The following GTF2F1 variants were observed in gnomAD, a reference collection of about 807,000 sequenced individuals.
The protein encoded by GTF2F1 is general transcription factor IIF subunit 1.
In GTF2F1, 39 loss-of-function variants were observed where a neutral mutation model predicts 63.5. That is an observed-to-expected ratio of 0.61 (90% confidence interval 0.48 to 0.80). The LOEUF is 0.80. GTF2F1 is among the 30% of genes least tolerant of loss of function. The pLI, the probability that GTF2F1 is intolerant of heterozygous loss-of-function variation, is 0.00. For missense variants in GTF2F1, 657 were observed against 718.3 expected (o/e 0.91, Z 0.97); for synonymous variants, 287 against 285.3 (o/e 1.01, Z -0.06).
chr19:6,393,037 C>T lies in GTF2F1; in HGVS notation c.-42G>A. 2 of 1,612,302 alleles carry T rather than the reference C, an allele frequency of 1.2e-6. No homozygotes were observed. Among genetic ancestry groups the T allele is most frequent in the Non-Finnish European group, 8.5e-7 (1 of 1,179,678 alleles). On this transcript the variant is annotated 5_prime_UTR_variant, in exon 1 of 13. Coordinates refer to ENST00000394456, the MANE Select transcript of GTF2F1 (RefSeq NM_002096.3). ...TTCCGATCTGGTCCGACCCGGGTTCCTTTCGTCTCCTCTGGCGTGCGCGTC... is the reference window on the plus strand; with the variant it reads ...TTCCGATCTGGTCCGACCCGGGTTCTTTTCGTCTCCTCTGGCGTGCGCGTC...
chr19:6,386,657 A>G (rs1445855551), intron 5 of GTF2F1: 1 of 152,050 alleles, frequency 6.6e-6, no homozygotes, highest in East Asian at 2.0e-4. Context: ...GTTAGCCAGG[A>G]TGGTCTCGAT....
intron 5 of GTF2F1, among the ~76,000 whole-genome samples, chr19:6,384,445 T>C (rs1008434904): frequency 2.0e-5 from 3 of 151,236 alleles, no homozygotes; most frequent in African/African-American, 2.4e-5. Flanking sequence ...GAGGCAGAGG[T>C]TGCAGTAAGC....
chr19:6,387,019 T>G (rs2091976387), intron 5 of GTF2F1: 1 of 250,382 alleles, frequency 4.0e-6, no homozygotes, highest in African/African-American at 2.3e-5. Flanking sequence ...GCCCCACCTC[T>G]GAGGCCGATG....
intron 2 of GTF2F1, 34 bp downstream of exon 2, chr19:6,392,823 T>G (rs774823808): frequency 1.3e-6 from 2 of 1,591,064 alleles, no homozygotes; most frequent in African/African-American, 2.7e-5. Flanking sequence ...TTTTGGGGGG[T>G]GGAGAGGAGT....
At chr19:6,385,421 A>G (rs1319860857) in intron 5 of GTF2F1, among the ~76,000 whole-genome samples, 1 of 146,986 alleles carries the variant, frequency 6.8e-6, no homozygotes, top group Non-Finnish European at 1.5e-5. Flanking sequence ...AAAAAAAAAA[A>G]AGAGATGGCA....
chr19:6,385,860 C>A (rs893046257), intron 5 of GTF2F1, among the ~76,000 whole-genome samples: 1 of 151,944 alleles, frequency 6.6e-6, no homozygotes, highest in East Asian at 1.9e-4. Flanking sequence ...CCGAGGCAGG[C>A]AGATCACGAG....
At chr19:6,386,292 G>A (rs531667861) in intron 5 of GTF2F1, among the ~76,000 whole-genome samples, 2 of 151,778 alleles carry the variant, frequency 1.3e-5, no homozygotes, top group African/African-American at 2.4e-5. Context: ...GGAGGCTGAG[G>A]CAGGAGAATT....
chr19:6,383,703 G>A lies in GTF2F1; in HGVS notation c.498-208C>T, dbSNP rs1289170866. Among the ~76,000 whole-genome samples, 1 of 152,216 alleles carries A rather than the reference G, an allele frequency of 6.6e-6. No homozygotes were observed. Among genetic ancestry groups the A allele is most frequent in the East Asian group, 1.9e-4 (1 of 5,200 alleles). ...CGTTCTGCCCCGAGTCCCTCAAAGA[G>A]CAGGTCCCCATGTGCTGCTGGAGTC... is the stretch of plus-strand genomic sequence containing the variant. On this transcript the variant is annotated intron_variant, in intron 5 of 12. Coordinates refer to ENST00000394456, the MANE Select transcript of GTF2F1 (RefSeq NM_002096.3). The surrounding 1 kb of genome is among the most constrained non-coding windows in gnomAD (Gnocchi z 4.5).
chr19:6,391,923 G>C lies in GTF2F1; in HGVS notation c.111C>G (p.Val37=). ...TTACCTGATTCCACGTAGCAAAGTT[G>C]ACTTTGTCGGCTGCATTAAAAGCCA... is the stretch of plus-strand genomic sequence containing the variant. ...NIMAFNAADK[V]NFATWNQARL... The change falls in exon 3 of 13, where the codon GTC becomes GTG. Residue 37 remains valine, a synonymous_variant. Coordinates refer to ENST00000394456, the MANE Select transcript of GTF2F1 (RefSeq NM_002096.3). 6.3e-7 allele frequency: 1 copy of C among 1,583,482 alleles called. No homozygotes were observed.
chr19:6,392,163 T>C (rs745728222), intron 2 of GTF2F1, 189 bp from the exon 3 acceptor site: 18 of 651,452 alleles, frequency 2.8e-5, no homozygotes, highest in African/African-American at 1.6e-4. Context: ...TTCCATTCAA[T>C]TGAATCATTA....
At chr19:6,385,274 A>G (rs548499246) in intron 5 of GTF2F1, among the ~76,000 whole-genome samples, 16 of 151,638 alleles carry the variant, frequency 1.1e-4, no homozygotes, top group African/African-American at 3.9e-4. Flanking sequence ...GCACGTGTGT[A>G]GTCCCAGCTA....
rs1170785482 is a variant in GTF2F1 at position 6,383,547 on chromosome 19, C to T, written c.498-52G>A. On this transcript the variant is annotated intron_variant, in intron 5 of 12. Coordinates refer to ENST00000394456, the MANE Select transcript of GTF2F1 (RefSeq NM_002096.3). This position sits in a 1 kb window ranked among gnomAD's most constrained non-coding sequence, Gnocchi z 4.5. ...TGCCGGGCCTGGCACCACCCTGCAT[C>T]TGTGCTTGCAGGGGGCGAGCCCCAG... is the stretch of plus-strand genomic sequence containing the variant. The T allele has an allele frequency of 1.3e-6, 2 of 1,577,654 alleles. No individual in the cohort carries two copies. Among genetic ancestry groups the T allele is most frequent in the Non-Finnish European group, 1.7e-6 (2 of 1,154,314 alleles).
At position 6,393,035 on chromosome 19, in the gene GTF2F1, T is replaced by C; in HGVS notation, c.-40A>G. On this transcript the variant is annotated 5_prime_UTR_variant, in exon 1 of 13. Coordinates refer to ENST00000394456, the MANE Select transcript of GTF2F1 (RefSeq NM_002096.3). Reference sequence around the variant, plus strand: ...GGTTCCGATCTGGTCCGACCCGGGTTCCTTTCGTCTCCTCTGGCGTGCGCG... The same window carrying C: ...GGTTCCGATCTGGTCCGACCCGGGTCCCTTTCGTCTCCTCTGGCGTGCGCG... 1.9e-6 allele frequency: 3 copies of C among 1,612,212 alleles called. No homozygotes were observed. The highest frequency in any genetic ancestry group is 2.5e-6 in the Non-Finnish European group (3 of 1,179,610).
chr19:6,381,638 G>C lies in GTF2F1; in HGVS notation c.837-23C>G. The stretch of plus-strand genomic sequence containing the variant: ...CTACTGTAAGACGGGGATGGCAAAG[G>C]ATGAGCGCGCGCTCGCGAGGCTGCA... On this transcript the variant is annotated intron_variant, in intron 7 of 12. Coordinates refer to ENST00000394456, the MANE Select transcript of GTF2F1 (RefSeq NM_002096.3). The surrounding 1 kb of genome is among the most constrained non-coding windows in gnomAD (Gnocchi z 4.1). 1 of 1,613,994 alleles carries C rather than the reference G, an allele frequency of 6.2e-7. No individual in the cohort carries two copies. Among genetic ancestry groups the C allele is most frequent in the Non-Finnish European group, 8.5e-7 (1 of 1,180,034 alleles).
At chr19:6,387,219 A>G in intron 5 of GTF2F1, 170 bp downstream of exon 5, 1 of 619,228 alleles carries the variant, frequency 1.6e-6, no homozygotes, top group Non-Finnish European at 2.8e-6. Context: ...TTGTGGCCCT[A>G]AGGCCTCCTA....
chr19:6,392,843 G>A lies in GTF2F1; in HGVS notation c.59+14C>T. ...GGGGGTGGAGAGGAGTGGGAGATGG[G>A]GCTGGGGACTTACTTAGGAACTCGA... On this transcript the variant is annotated intron_variant, in intron 2 of 12. Transcript: ENST00000394456. The A allele has an allele frequency of 1.9e-6, 3 of 1,612,188 alleles. No homozygotes were observed. Among genetic ancestry groups the A allele is most frequent in the South Asian group, 1.1e-5 (1 of 91,052 alleles).
Position 6,381,559 on chromosome 19 carries a change from G to T in GTF2F1, c.893C>A (p.Pro298His). The T allele has an allele frequency of 6.2e-7, 1 of 1,613,136 alleles. No individual in the cohort carries two copies. Reference sequence around the variant, plus strand: ...CCCGCCCAGCCATCGCCTACCCTTGGGCCCCTCCTCCTGCTGCGGCGCCTT... The same window carrying T: ...CCCGCCCAGCCATCGCCTACCCTTGTGCCCCTCCTCCTGCTGCGGCGCCTT... ...KAKAPQQEEG[P>H]KGVDEQSDSS... Residue 298 changes from proline to histidine, a missense_variant, in exon 8 of 13, where the codon CCC becomes CAC. Pro to His is a moderately conservative substitution (Grantham distance 77). Around this residue, in one of 2 missense-constraint regions of GTF2F1, gnomAD observed 602 missense variants for 625.6 expected, o/e 0.96. Coordinates refer to ENST00000394456, the MANE Select transcript of GTF2F1 (RefSeq NM_002096.3). This position sits in a 1 kb window ranked among gnomAD's most constrained non-coding sequence, Gnocchi z 4.1.
At position 6,381,876 on chromosome 19, in the gene GTF2F1, G is replaced by A; in HGVS notation, c.683-26C>T. The A allele has an allele frequency of 1.3e-6, 2 of 1,590,588 alleles. No individual in the cohort carries two copies. Among genetic ancestry groups the A allele is most frequent in the Non-Finnish European group, 8.6e-7 (1 of 1,163,826 alleles). ...CTGGGAAGGGAGGAAAGGAAGGAAA[G>A]GAGGGAAAGTGAGGAGGAAGGCAGT... On this transcript the variant is annotated intron_variant, in intron 6 of 12. Transcript: ENST00000394456. This position sits in a 1 kb window ranked among gnomAD's most constrained non-coding sequence, Gnocchi z 4.1.
chr19:6,385,886 C>A (rs2091972066), intron 5 of GTF2F1, among the ~76,000 whole-genome samples: 1 of 151,388 alleles, frequency 6.6e-6, no homozygotes, highest in African/African-American at 2.4e-5. Context: ...GAGATCGAGA[C>A]CACGGTGAAA....
Sources: gnomAD v4.1 joint callset for allele counts (sites outside exome capture counted in the v4.1 genomes callset) on GRCh38, gnomAD v4.1.1 for gene constraint, gnomAD v4.1.1 regional missense constraint, Gnocchi (gnomAD v3.1) non-coding constraint, MANE v1.5 for transcripts, NCBI Gene and HGNC (gene_info 2026-07-23, HGNC 2026-07-21) for gene names.